The following THSD4 variants were observed in gnomAD, a reference collection of about 807,000 sequenced individuals.
THSD4 encodes thrombospondin type-1 domain-containing protein 4.
Under a neutral mutation model 119.0 loss-of-function variants are expected in THSD4, and 69 were observed. The ratio of observed to expected loss-of-function variants is 0.58; its 90% confidence interval spans 0.48 to 0.71. The LOEUF (loss-of-function observed/expected upper bound fraction) is 0.71. THSD4 is among the 30% of genes least tolerant of loss of function. The pLI, the probability that THSD4 is intolerant of heterozygous loss-of-function variation, is 0.00. For missense variants in THSD4, 1,393 were observed against 1,391.1 expected (o/e 1.00, Z -0.02); for synonymous variants, 524 against 540.4 (o/e 0.97, Z 0.42).
intron 1 of THSD4, among the ~76,000 whole-genome samples, chr15:71,120,407 C>A (rs1228367977): frequency 6.6e-6 from 1 of 152,146 alleles, no homozygotes; most frequent in Non-Finnish European, 1.5e-5. Context: ...TCCTACCAGC[C>A]TTTCCGAAGC....
intron 7 of THSD4, among the ~76,000 whole-genome samples, chr15:71,433,259 G>C (rs1456962566): frequency 6.6e-6 from 1 of 150,630 alleles, no homozygotes; most frequent in Non-Finnish European, 1.5e-5. Flanking sequence ...ATATGACACA[G>C]ACATTTCATG....
Position 71,660,650 on chromosome 15 carries a change from C to G in THSD4, c.1273C>G (p.Leu425Val), listed in dbSNP as rs759402559. 6.2e-7 allele frequency: 1 copy of G among 1,614,152 alleles called. No individual in the cohort carries two copies. Among genetic ancestry groups the G allele is most frequent in the Non-Finnish European group, 8.5e-7 (1 of 1,180,028 alleles). Reference sequence around the variant, plus strand: ...CGTGTTTAAGCATGCCCTCACCAGCCTGGGCTACCACCGCGTCGTGGAGAT... The same window carrying G: ...CGTGTTTAAGCATGCCCTCACCAGCGTGGGCTACCACCGCGTCGTGGAGAT... The part of the protein sequence containing the change: ...SGVFKHALTS[L>V]GYHRVVEIPE... Residue 425 changes from leucine (L) to valine (V), a missense_variant, in exon 8 of 18, where the codon CTG (leucine) becomes GTG (valine). Coordinates refer to ENST00000261862, the MANE Select transcript of THSD4 (RefSeq NM_024817.3).
At chr15:71,126,245 C>T (rs1331979829) in intron 1 of THSD4, among the ~76,000 whole-genome samples, 1 of 152,316 alleles carries the variant, frequency 6.6e-6, no homozygotes, top group South Asian at 2.1e-4. Flanking sequence ...CTCTGAGCCT[C>T]CCTGCTGTGG....
intron 6 of THSD4, among the ~76,000 whole-genome samples, chr15:71,285,814 A>G (rs1158723878): frequency 3.2e-5 from 4 of 124,258 alleles, no homozygotes; most frequent in Non-Finnish European, 4.7e-5. Flanking sequence ...AAATTGTGCT[A>G]CTGCACTCCA....
chr15:71,180,765 G>C (rs1474975579), intron 3 of THSD4, among the ~76,000 whole-genome samples: 1 of 152,162 alleles, frequency 6.6e-6, no homozygotes, highest in Non-Finnish European at 1.5e-5. Context: ...ATACCAACAG[G>C]GGGTGAGGGT....
chr15:71,134,422 T>A (rs2141364710), intron 1 of THSD4, among the ~76,000 whole-genome samples: 1 of 152,334 alleles, frequency 6.6e-6, no homozygotes, highest in Admixed American at 6.5e-5. Flanking sequence ...TTCAGCGCCT[T>A]CATTCTCTTC....
intron 1 of THSD4, among the ~76,000 whole-genome samples, chr15:71,122,247 C>G (rs774316637): frequency 6.6e-6 from 1 of 152,108 alleles, no homozygotes; most frequent in Non-Finnish European, 1.5e-5. Flanking sequence ...TACCTGCGTT[C>G]TTTTATTTAA....
chr15:71,572,348 G>A (rs1264621400), intron 7 of THSD4, among the ~76,000 whole-genome samples: 1 of 152,174 alleles, frequency 6.6e-6, no homozygotes, highest in Non-Finnish European at 1.5e-5. Context: ...TATTTTAATT[G>A]TTTCCTTTGT....
At chr15:71,746,459 A>G (rs929924983) in intron 12 of THSD4, among the ~76,000 whole-genome samples, 5 of 152,030 alleles carry the variant, frequency 3.3e-5, no homozygotes, top group African/African-American at 9.7e-5. Flanking sequence ...CAGTGGCACA[A>G]TCATGGCTCA....
At position 71,565,369 on chromosome 15, in the gene THSD4, G is replaced by A. The variant is rs141757148; in HGVS notation, c.1153-95161G>A. 3.0e-3 allele frequency among the ~76,000 whole-genome samples: 455 copies of A among 152,304 alleles called. 2 individuals carry two copies. Among genetic ancestry groups the A allele is most frequent in the African/African-American group, 0.011 (443 of 41,568 alleles). On this transcript the variant is annotated intron_variant, in intron 7 of 17. Coordinates refer to ENST00000261862, the MANE Select transcript of THSD4 (RefSeq NM_024817.3). ...CAGATGTACCCACATAATATTGACT[G>A]TGTAATGCAGCCCAGAGCAGAACCA...
intron 2 of THSD4, among the ~76,000 whole-genome samples, chr15:71,147,288 T>C (rs903335096): frequency 6.6e-6 from 1 of 152,180 alleles, no homozygotes; most frequent in Non-Finnish European, 1.5e-5. Context: ...CACTGCCACC[T>C]CAAATGCCTG....
At chr15:71,162,618 G>A (rs1315042950) in intron 3 of THSD4, among the ~76,000 whole-genome samples, 1 of 151,918 alleles carries the variant, frequency 6.6e-6, no homozygotes, top group African/African-American at 2.4e-5. Flanking sequence ...GGTTTTTTGG[G>A]GGTTGTATCT....
chr15:71,225,155 A>G (rs1192134167), intron 4 of THSD4, among the ~76,000 whole-genome samples: 2 of 152,194 alleles, frequency 1.3e-5, no homozygotes, highest in Non-Finnish European at 2.9e-5. Context: ...AAGAAGAGGA[A>G]AAACCATGCA....
intron 6 of THSD4, among the ~76,000 whole-genome samples, chr15:71,356,360 T>C (rs759715420): frequency 5.9e-5 from 9 of 152,208 alleles, no homozygotes; most frequent in Non-Finnish European, 1.3e-4. Context: ...CTCACACTTA[T>C]GACACACTTA....
chr15:71,532,115 A>G (rs2048617705), intron 7 of THSD4, among the ~76,000 whole-genome samples: 1 of 152,184 alleles, frequency 6.6e-6, no homozygotes, highest in Non-Finnish European at 1.5e-5. Context: ...TTAATCTGCC[A>G]TGAGCAGACA....
In THSD4 at chr15:71,512,019, A is replaced by G. The variant is rs551895034; in HGVS notation, c.1152+100196A>G. Among the ~76,000 whole-genome samples, 31 of 152,282 alleles carry G rather than the reference A, an allele frequency of 2.0e-4. No homozygotes were observed. In the South Asian group the frequency reaches 6.2e-3, roughly 31 times the overall value. On this transcript the variant is annotated intron_variant, in intron 7 of 17. Coordinates refer to ENST00000261862, the MANE Select transcript of THSD4 (RefSeq NM_024817.3). ...TCTAGGCAATGTTATGTAATGACCTATTATTTTGGCTTCATATCCCCTACA... is the reference window on the plus strand; with the variant it reads ...TCTAGGCAATGTTATGTAATGACCTGTTATTTTGGCTTCATATCCCCTACA...
At chr15:71,131,730 G>C (rs1342045531) in intron 1 of THSD4, among the ~76,000 whole-genome samples, 1 of 152,126 alleles carries the variant, frequency 6.6e-6, no homozygotes, top group Admixed American at 6.5e-5. Flanking sequence ...ACACTCCTTT[G>C]CAGACAGGTA....
At chr15:71,764,808 G>A (rs1250219514) in intron 15 of THSD4, among the ~76,000 whole-genome samples, 2 of 152,294 alleles carry the variant, frequency 1.3e-5, no homozygotes, top group African/African-American at 4.8e-5. Flanking sequence ...TGACAATCAG[G>A]GCACCTAGTC....
At chr15:71,547,175 T>C in intron 7 of THSD4, 2 of 1,315,994 alleles carry the variant, frequency 1.5e-6, no homozygotes, top group South Asian at 4.3e-5. Context: ...AGCTGGCTCC[T>C]GTCCCCTCCC....
Sources: gnomAD v4.1 joint callset for allele counts (sites outside exome capture counted in the v4.1 genomes callset) on GRCh38, gnomAD v4.1.1 for gene constraint, MANE v1.5 for transcripts, NCBI Gene and HGNC (gene_info 2026-07-23, HGNC 2026-07-21) for gene names.